The following ARHGEF11 variants were observed in gnomAD, a reference collection of about 807,000 sequenced individuals.
ARHGEF11 encodes the protein Rho guanine exchange factor (GEF) 11.
Under a neutral mutation model 193.7 loss-of-function variants are expected in ARHGEF11, and 55 were observed. The observed-to-expected ratio is 0.28, with a 90% CI of 0.23 to 0.36. The LOEUF (loss-of-function observed/expected upper bound fraction) is 0.36. Among genes scored for constraint, ARHGEF11 ranks in the 10% least tolerant of loss-of-function variants. The pLI, the probability that ARHGEF11 is intolerant of heterozygous loss-of-function variation, is 1.00. For missense variants in ARHGEF11, 1,723 were observed against 2,005.6 expected (o/e 0.86, Z 2.69); for synonymous variants, 693 against 768.0 (o/e 0.90, Z 1.62).
intron 1 of ARHGEF11, among the ~76,000 whole-genome samples, chr1:157,034,168 T>C (rs984632334): frequency 2.0e-5 from 3 of 152,164 alleles, no homozygotes; most frequent in Middle Eastern, 3.2e-3. Flanking sequence ...GGGTCTGTGG[T>C]TCTAGCTGCA....
At chr1:157,027,511 G>T (rs894240070) in intron 1 of ARHGEF11, among the ~76,000 whole-genome samples, 2 of 152,104 alleles carry the variant, frequency 1.3e-5, no homozygotes, top group Non-Finnish European at 2.9e-5. Context: ...AGCTATAGGA[G>T]AAAGAAGAAA....
At chr1:157,021,258 C>CGTCT (rs1392832716) in intron 1 of ARHGEF11, among the ~76,000 whole-genome samples, 3 of 152,174 alleles carry the variant, frequency 2.0e-5, no homozygotes, top group Non-Finnish European at 4.4e-5. Context: ...GCACTATAGA[C>CGTCT]ATGCATCCTT....
intron 1 of ARHGEF11, among the ~76,000 whole-genome samples, chr1:156,990,164 T>G (rs1347151529): frequency 6.6e-6 from 1 of 152,218 alleles, no homozygotes; most frequent in Admixed American, 6.5e-5. Context: ...CTCCCTACTT[T>G]TCTTGGTCTT....
Position 156,939,892 on chromosome 1 carries a change from A to C in ARHGEF11, c.3752T>G (p.Leu1251Arg), listed in dbSNP as rs188240595. 6.8e-6 allele frequency: 11 copies of C among 1,606,024 alleles called. No homozygotes were observed. The East Asian group carries it at 2.5e-4, about 36-fold the overall frequency. ...ALEDVENLRH[L>R]ILWSLLPGHT... ...ACCTGGCAGCAGGCTCCACAGGATC[A>C]GATGTCGCAGGTTCTCCACTGGAGG... The change falls in exon 37 of 41, where the codon CTG becomes CGG. Residue 1251 changes from leucine to arginine, a missense_variant. Transcript: ENST00000368194.
intron 1 of ARHGEF11, among the ~76,000 whole-genome samples, chr1:157,005,299 C>A (rs1667690426): frequency 6.6e-6 from 1 of 152,166 alleles, no homozygotes; most frequent in Non-Finnish European, 1.5e-5. Context: ...TGCATCCCCC[C>A]AACCCCCATA....
intron 1 of ARHGEF11, among the ~76,000 whole-genome samples, chr1:157,022,317 AAGTC>A (rs138182941): frequency 0.017 from 2,605 of 152,310 alleles, 49 homozygotes; most frequent in African/African-American, 0.047. Context: ...AATAAAAACA[AAGTC>A]AGCAAGGTTG....
At chr1:156,943,095 C>T (rs1309057904) in intron 32 of ARHGEF11, among the ~76,000 whole-genome samples, 1 of 133,670 alleles carries the variant, frequency 7.5e-6, no homozygotes, top group Non-Finnish European at 1.5e-5. Flanking sequence ...GATTCTTGCT[C>T]TGTCACCCAG....
chr1:157,046,556 A>G (rs1673343670), upstream of ARHGEF11, among the ~76,000 whole-genome samples: 1 of 151,878 alleles, frequency 6.6e-6, no homozygotes, highest in South Asian at 2.1e-4. Context: ...CCCACTTCTA[A>G]TACCACCGAC....
Position 157,044,318 on chromosome 1 carries a change from A to G in ARHGEF11, c.13T>C (p.Leu5=), listed in dbSNP as rs1042766699. Reference sequence around the variant, plus strand: ...ACCTACCTGTCTATACTCTGGGGTAACCTTACACTCATGGTTTCTCGGTGT... The same window carrying G: ...ACCTACCTGTCTATACTCTGGGGTAGCCTTACACTCATGGTTTCTCGGTGT... MSVR[L]PQSIDRLSSL... The change falls in exon 1 of 41, where the codon TTA becomes CTA. Residue 5 remains leucine, a synonymous_variant. Transcript: ENST00000368194. The G allele has an allele frequency of 1.2e-6, 2 of 1,612,560 alleles. No individual in the cohort carries two copies. The highest frequency in any genetic ancestry group is 1.7e-6 in the Non-Finnish European group (2 of 1,179,710).
At chr1:156,951,897 C>T (rs1659170008) in intron 21 of ARHGEF11, among the ~76,000 whole-genome samples, 198 bp from the exon 22 acceptor site, 1 of 152,058 alleles carries the variant, frequency 6.6e-6, no homozygotes, top group South Asian at 2.1e-4. Context: ...GTCACACTAC[C>T]TTTCTGGGTT....
At position 156,979,236 on chromosome 1, in the gene ARHGEF11, C is replaced by G; in HGVS notation, c.324G>C (p.Leu108=). ...TNSSHLEVVK[L]IKSGAYVALT... is the part of the protein sequence containing the mutation. ...CACCTCTCTCCAACTCACATTTGAT[C>G]AGCTTTACCACTTCCAGGTGTGAGC... The change falls in exon 5 of 41, where the codon CTG becomes CTC. Residue 108 remains leucine, a synonymous_variant. Transcript: ENST00000368194. 2.5e-6 allele frequency: 4 copies of G among 1,614,006 alleles called. No homozygotes were observed. The highest frequency in any genetic ancestry group is 3.4e-6 in the Non-Finnish European group (4 of 1,179,934).
rs200121187 is a variant in ARHGEF11, at chr1:156,963,505, C to T, written c.1038+15G>A. ...AAAAAAAAATGATGAAAGGAGAAAA[C>T]TAGGAAACCGTTACCTCGTTGTTGA... On this transcript the variant is annotated intron_variant, in intron 12 of 40. Transcript: ENST00000368194. 865 of 1,609,730 alleles carry T rather than the reference C, an allele frequency of 5.4e-4. 7 individuals carry two copies. Among genetic ancestry groups the T allele is most frequent in the Non-Finnish European group, 4.8e-5 (57 of 1,178,410 alleles).
intron 18 of ARHGEF11, among the ~76,000 whole-genome samples, chr1:156,957,144 G>A (rs1444471667): frequency 6.6e-6 from 1 of 152,120 alleles, no homozygotes; most frequent in Non-Finnish European, 1.5e-5. Flanking sequence ...AAATGTCCTT[G>A]TACCCACAAT....
chr1:156,935,959 AAGG>A lies in ARHGEF11; in HGVS notation c.*38_*40del, dbSNP rs1195737235. On this transcript the variant is annotated 3_prime_UTR_variant, in exon 41 of 41. Coordinates refer to ENST00000368194, the MANE Select transcript of ARHGEF11 (RefSeq NM_198236.3). ...TGCCCCGGTCTCAGGCCAGTCCCTG[AAGG>A]AGGAGTGGGGACGCAGAGGATTTGG... 1.7e-5 allele frequency: 27 copies of A among 1,592,070 alleles called. No homozygotes were observed. The highest frequency in any genetic ancestry group is 2.7e-5 in the African/African-American group (2 of 74,482).
intron 1 of ARHGEF11, among the ~76,000 whole-genome samples, chr1:157,039,977 A>G (rs555175746): frequency 9.3e-4 from 142 of 152,336 alleles, no homozygotes; most frequent in African/African-American, 3.1e-3. Flanking sequence ...TGTGCTGTTC[A>G]CAAAATCTTT....
chr1:156,997,153 G>C (rs1195194367), intron 1 of ARHGEF11, among the ~76,000 whole-genome samples: 9 of 151,956 alleles, frequency 5.9e-5, no homozygotes, highest in Admixed American at 5.9e-4. Context: ...ACAAGTGTGA[G>C]ACACCATGCC....
chr1:156,978,529 A>T, intron 5 of ARHGEF11, 147 bp from the exon 6 acceptor site: 1 of 1,331,370 alleles, frequency 7.5e-7, no homozygotes, highest in African/African-American at 1.5e-5. Flanking sequence ...TGCCCCACCC[A>T]TTCTCTAATC....
chr1:157,041,900 C>T (rs2103106421), intron 1 of ARHGEF11, among the ~76,000 whole-genome samples: 1 of 152,246 alleles, frequency 6.6e-6, no homozygotes, highest in East Asian at 1.9e-4. Context: ...TAAAACTCTC[C>T]TATAGCACCT....
At chr1:156,984,261 C>A in intron 3 of ARHGEF11, 78 bp downstream of exon 3, 1 of 1,179,404 alleles carries the variant, frequency 8.5e-7, no homozygotes, top group Non-Finnish European at 1.2e-6. Context: ...CAGGAAAGCA[C>A]AGGTAGAATG....
Sources: allele counts gnomAD v4.1 joint callset (sites outside exome capture counted in the v4.1 genomes callset), GRCh38; gene constraint gnomAD v4.1.1; transcripts MANE v1.5; gene names NCBI Gene and HGNC (gene_info 2026-07-23, HGNC 2026-07-21).